Variants in ZNF609 observed in about 807,000 individuals in gnomAD.
ZNF609 encodes zinc finger protein 609.
Under a neutral mutation model 109.5 loss-of-function variants are expected in ZNF609, and 11 were observed. The ratio of observed to expected loss-of-function variants is 0.10; its 90% confidence interval spans 0.06 to 0.17. The LOEUF (loss-of-function observed/expected upper bound fraction) is 0.17. Ranked by LOEUF, ZNF609 falls within the 10% of genes least tolerant of loss-of-function variation. The pLI is 1.00. For missense variants in ZNF609, 1,559 were observed against 1,772.4 expected (o/e 0.88, Z 2.16); for synonymous variants, 646 against 662.0 (o/e 0.98, Z 0.37).
At chr15:64,575,394 A>C (rs1031900698) in intron 2 of ZNF609, among the ~76,000 whole-genome samples, 17 of 147,484 alleles carry the variant, frequency 1.2e-4, no homozygotes, top group Non-Finnish European at 4.5e-5. Context: ...ATTGCACTCC[A>C]GCCTGGGCAA....
chr15:64,477,399 C>T (rs1480157218), intron 1 of ZNF609, among the ~76,000 whole-genome samples: 1 of 151,944 alleles, frequency 6.6e-6, no homozygotes, highest in African/African-American at 2.4e-5. Flanking sequence ...CTCAGCCTCC[C>T]AAAGTGCTGA....
At chr15:64,540,254 G>A (rs1450070678) in intron 2 of ZNF609, among the ~76,000 whole-genome samples, 2 of 152,170 alleles carry the variant, frequency 1.3e-5, no homozygotes, top group African/African-American at 4.8e-5. Flanking sequence ...AGAGATGTGG[G>A]GAGGCTGGTC....
At chr15:64,594,335 A>ATT (rs35919259) in intron 2 of ZNF609, among the ~76,000 whole-genome samples, 3 of 145,162 alleles carry the variant, frequency 2.1e-5, no homozygotes, top group African/African-American at 7.6e-5. Context: ...AATGCTCAAA[A>ATT]TTTTTTTTTT....
intron 1 of ZNF609, among the ~76,000 whole-genome samples, chr15:64,498,637 G>T (rs1418887637): frequency 1.3e-5 from 2 of 152,148 alleles, no homozygotes; most frequent in Admixed American, 1.3e-4. Flanking sequence ...TTAGAAGGCT[G>T]TTTCAGCTTC....
chr15:64,600,314 GTGGCGGGCACC>G (rs1385387497), intron 2 of ZNF609, among the ~76,000 whole-genome samples: 2 of 151,870 alleles, frequency 1.3e-5, no homozygotes, highest in African/African-American at 4.8e-5. Flanking sequence ...GCTGAGCATG[GTGGCGGGCACC>G]TGTAGTCCCA....
intron 3 of ZNF609, among the ~76,000 whole-genome samples, chr15:64,635,825 C>T (rs1048794835): frequency 1.2e-4 from 18 of 151,958 alleles, no homozygotes; most frequent in Admixed American, 5.9e-4. Flanking sequence ...TTAATGATAC[C>T]GGTGAGAACT....
At chr15:64,471,358 C>T (rs1893088396) in intron 1 of ZNF609, 1 of 141,838 alleles carries the variant, frequency 7.1e-6, no homozygotes, top group Admixed American at 6.8e-5. Context: ...AAAATTGTGT[C>T]TTTAAAAAAA....
At chr15:64,607,564 G>C (rs1287764433) in intron 2 of ZNF609, among the ~76,000 whole-genome samples, 1 of 149,894 alleles carries the variant, frequency 6.7e-6, no homozygotes, top group Non-Finnish European at 1.5e-5. Flanking sequence ...GGGTGCAGTG[G>C]CGCGATCTTG....
chr15:64,533,922 A>T (rs944074797), intron 2 of ZNF609, among the ~76,000 whole-genome samples: 2 of 151,764 alleles, frequency 1.3e-5, no homozygotes, highest in African/African-American at 2.4e-5. Flanking sequence ...CGTTATTTCC[A>T]TACAATTTTA....
At chr15:64,490,265 A>T (rs1893393304) in intron 1 of ZNF609, among the ~76,000 whole-genome samples, 1 of 65,702 alleles carries the variant, frequency 1.5e-5, no homozygotes, top group South Asian at 3.6e-4. Flanking sequence ...GCACCCGGCC[A>T]GTAGTTGTTT....
At chr15:64,631,234 C>T in intron 3 of ZNF609, 1 of 640,370 alleles carries the variant, frequency 1.6e-6, no homozygotes, top group Non-Finnish European at 2.9e-6. Flanking sequence ...TTCTCTTTGG[C>T]TTCTTTCTTT....
At chr15:64,561,552 C>CTTT (rs771022478) in intron 2 of ZNF609, among the ~76,000 whole-genome samples, 1 of 129,906 alleles carries the variant, frequency 7.7e-6, no homozygotes, top group Non-Finnish European at 1.7e-5. Flanking sequence ...TTTTCTTTTT[C>CTTT]TTTTTTTTTT....
intron 3 of ZNF609, among the ~76,000 whole-genome samples, chr15:64,646,833 G>A (rs1164665207): frequency 1.4e-4 from 21 of 150,564 alleles, no homozygotes; most frequent in Non-Finnish European, 2.5e-4. Flanking sequence ...CCAGCTACTC[G>A]GGAGGCTGAG....
In ZNF609 at chr15:64,469,500, C is replaced by CT. The variant is rs1309775214; in HGVS notation, c.-128+8674dup. 1.7e-3 allele frequency among the ~76,000 whole-genome samples: 219 copies of CT among 131,342 alleles called. 1 individual carries two copies. The highest frequency in any genetic ancestry group is 2.4e-3 in the East Asian group (10 of 4,250). 86.2% of individuals were successfully genotyped at this position (131,342 alleles called of 152,430 possible). A position where few individuals can be genotyped will look rare whatever the true frequency, so the allele number is the denominator to read the frequency against. ...AAAAATATTTAACATAAGTGAGCATCTTTTTTTTTTTTATTGCTGGTCAAA... is the reference window on the plus strand; with the variant it reads ...AAAAATATTTAACATAAGTGAGCATCTTTTTTTTTTTTTATTGCTGGTCAAA... On this transcript the variant is annotated intron_variant, in intron 1 of 9. Coordinates refer to ENST00000326648, the MANE Select transcript of ZNF609 (RefSeq NM_015042.2).
intron 1 of ZNF609, among the ~76,000 whole-genome samples, chr15:64,489,224 C>T (rs1893375230): frequency 1.3e-5 from 2 of 151,182 alleles, no homozygotes; most frequent in South Asian, 4.2e-4. Context: ...CTCACTCTCT[C>T]TCCCAGGATG....
chr15:64,663,810 CTCTT>C (rs938529638), intron 3 of ZNF609, among the ~76,000 whole-genome samples: 1 of 152,176 alleles, frequency 6.6e-6, no homozygotes, highest in Non-Finnish European at 1.5e-5. Flanking sequence ...ATCTCTCTCT[CTCTT>C]TCTACTATTA....
intron 3 of ZNF609, among the ~76,000 whole-genome samples, chr15:64,637,754 G>T (rs566958320): frequency 6.6e-6 from 1 of 151,814 alleles, no homozygotes; most frequent in South Asian, 2.1e-4. Flanking sequence ...TTATTGATTT[G>T]TATGAATTCT....
chr15:64,626,004 G>A (rs1895957286), intron 3 of ZNF609, among the ~76,000 whole-genome samples: 1 of 146,826 alleles, frequency 6.8e-6, no homozygotes, highest in South Asian at 2.2e-4. Context: ...TAGGAATGGT[G>A]TCGAAGTACT....
chr15:64,469,427 C>CAAAAA (rs34210041), intron 1 of ZNF609, among the ~76,000 whole-genome samples: 1 of 73,572 alleles, frequency 1.4e-5, no homozygotes, highest in Non-Finnish European at 2.5e-5. Context: ...ACCCTATTTC[C>CAAAAA]AAAAAAAAAA....
Sources: allele counts gnomAD v4.1 joint callset (sites outside exome capture counted in the v4.1 genomes callset), GRCh38; gene constraint gnomAD v4.1.1; transcripts MANE v1.5; gene names NCBI Gene and HGNC (gene_info 2026-07-23, HGNC 2026-07-21).